TMEM163: variants seen among roughly 807,000 people sequenced by gnomAD.
TMEM163 encodes transmembrane protein 163.
In TMEM163, 17 loss-of-function variants were observed where a neutral mutation model predicts 29.3. The observed-to-expected ratio is 0.58, with a 90% CI of 0.40 to 0.87. TMEM163 has a LOEUF of 0.87. Among genes scored for constraint, TMEM163 ranks in the 40% least tolerant of loss-of-function variants. TMEM163 has a pLI of 0.00. For synonymous variants in TMEM163, 157 were observed against 160.6 expected, an observed-to-expected ratio of 0.98 and a Z score of 0.17; for missense variants, 303 against 381.5, an observed-to-expected ratio of 0.79 and a Z score of 1.71.
At chr2:134,499,498 C>T (rs1367970303) in intron 5 of TMEM163, among the ~76,000 whole-genome samples, 3 of 152,198 alleles carry the variant, frequency 2.0e-5, no homozygotes, top group African/African-American at 7.2e-5. Context: ...GGTCCTGTTC[C>T]AGTTCCCCAG....
intron 4 of TMEM163, among the ~76,000 whole-genome samples, chr2:134,546,974 G>T (rs1007472436): frequency 1.8e-4 from 28 of 152,108 alleles, no homozygotes; most frequent in Non-Finnish European, 4.0e-4. Flanking sequence ...TTTATATGAA[G>T]TATCTAAAGC....
chr2:134,688,119 G>C (rs749359350), intron 2 of TMEM163, among the ~76,000 whole-genome samples: 16 of 152,132 alleles, frequency 1.1e-4, no homozygotes, highest in Non-Finnish European at 2.2e-4. Context: ...CTGCGCACCA[G>C]ACACTGCTGT....
At chr2:134,603,017 C>T (rs1682270204) in intron 2 of TMEM163, among the ~76,000 whole-genome samples, 1 of 152,088 alleles carries the variant, frequency 6.6e-6, no homozygotes, top group African/African-American at 2.4e-5. Flanking sequence ...ACTGTATGTC[C>T]AACACAGGAC....
chr2:134,533,367 G>A (rs979638302), intron 4 of TMEM163, among the ~76,000 whole-genome samples: 9 of 152,288 alleles, frequency 5.9e-5, no homozygotes, highest in South Asian at 2.1e-4. Flanking sequence ...GTGTGTGCAC[G>A]TGCACACGTG....
At position 134,651,519 on chromosome 2, in the gene TMEM163, C is replaced by A. The variant is rs1277640592; in HGVS notation, c.322+61681G>T. 1.7e-5 allele frequency among the ~76,000 whole-genome samples: 2 copies of A among 118,668 alleles called. 1 individual carries two copies. The highest frequency in any genetic ancestry group is 3.3e-5 in the Non-Finnish European group (2 of 60,500). 77.9% of individuals were successfully genotyped at this position (118,668 alleles called of 152,430 possible). A position where few individuals can be genotyped will look rare whatever the true frequency, so the allele number is the denominator to read the frequency against. On this transcript the variant is annotated intron_variant, in intron 2 of 7. Transcript: ENST00000281924. Reference sequence around the variant, plus strand: ...TGCCTGTTCACTCTGATGGTAGTTTCTTTTGCTGTGCAGAAGCTCTTTAGT... The same window carrying A: ...TGCCTGTTCACTCTGATGGTAGTTTATTTTGCTGTGCAGAAGCTCTTTAGT...
At chr2:134,674,413 A>G (rs4954161) in intron 2 of TMEM163, among the ~76,000 whole-genome samples, 80,917 of 143,184 alleles carry the variant, frequency 0.57, 24,037 homozygotes, top group African/African-American at 0.7. Context: ...GCACAATCTC[A>G]GCTCACTGAA....
At position 134,699,999 on chromosome 2, in the gene TMEM163, G is replaced by A. The variant is rs115118538; in HGVS notation, c.322+13201C>T. Among the ~76,000 whole-genome samples the A allele has an allele frequency of 6.2e-3, 939 of 151,136 alleles. 15 individuals are homozygous for A. The highest frequency in any genetic ancestry group is 0.022 in the African/African-American group (894 of 41,172). On this transcript the variant is annotated intron_variant, in intron 2 of 7. Coordinates refer to ENST00000281924, the MANE Select transcript of TMEM163 (RefSeq NM_030923.5). ...CATTTAAGGAATTCTGTGGTCTTAC[G>A]TTTTAAATTTGTCTCCTATTAACAG...
intron 2 of TMEM163, among the ~76,000 whole-genome samples, chr2:134,697,972 T>G (rs1388024171): frequency 6.6e-6 from 1 of 152,124 alleles, no homozygotes; most frequent in Non-Finnish European, 1.5e-5. Context: ...TAGAATGGAG[T>G]GCATGAGATT....
At chr2:134,535,752 G>A (rs572626827) in intron 4 of TMEM163, among the ~76,000 whole-genome samples, 3 of 148,566 alleles carry the variant, frequency 2.0e-5, no homozygotes, top group East Asian at 3.9e-4. Flanking sequence ...TTTTGAGGCC[G>A]AGTCTCTGTT....
chr2:134,458,259 T>C (rs918280458), intron 6 of TMEM163, 86 bp from the exon 7 acceptor site: 1 of 1,524,392 alleles, frequency 6.6e-7, no homozygotes, highest in Non-Finnish European at 9.0e-7. Flanking sequence ...TCCACGTAAC[T>C]GGAGCATGTG....
chr2:134,650,849 C>T lies in TMEM163; in HGVS notation c.322+62351G>A, dbSNP rs1243622189. On this transcript the variant is annotated intron_variant, in intron 2 of 7. Transcript: ENST00000281924. ...GAGAATGATGATTTCCAATTTCATCCATGTCCCTACAAAGGACACGAACTC... is the reference window on the plus strand; with the variant it reads ...GAGAATGATGATTTCCAATTTCATCTATGTCCCTACAAAGGACACGAACTC... Among the ~76,000 whole-genome samples, 5 of 135,210 alleles carry T rather than the reference C, an allele frequency of 3.7e-5. 1 individual carries two copies. The highest frequency in any genetic ancestry group is 2.2e-4 in the Admixed American group (3 of 13,728). The allele number at this position is 135,210 out of a possible 152,430, so 88.7% of individuals were successfully genotyped here.
chr2:134,582,932 C>T (rs1054220010), intron 2 of TMEM163, among the ~76,000 whole-genome samples: 2 of 152,194 alleles, frequency 1.3e-5, no homozygotes, highest in African/African-American at 4.8e-5. Flanking sequence ...GGCTTGAACA[C>T]ACTCCACATA....
intron 6 of TMEM163, among the ~76,000 whole-genome samples, chr2:134,463,452 T>G (rs913843406): frequency 1.3e-5 from 2 of 152,180 alleles, no homozygotes; most frequent in African/African-American, 4.8e-5. Context: ...ATCCCAGGTC[T>G]GCCCCAGACA....
chr2:134,478,586 G>A (rs1403387776), intron 5 of TMEM163, among the ~76,000 whole-genome samples: 1 of 152,202 alleles, frequency 6.6e-6, no homozygotes, highest in Non-Finnish European at 1.5e-5. Flanking sequence ...GTAGGTTGAA[G>A]AAACTTCTAA....
intron 2 of TMEM163, among the ~76,000 whole-genome samples, chr2:134,572,546 C>T (rs757247753): frequency 9.9e-5 from 15 of 151,712 alleles, no homozygotes; most frequent in Non-Finnish European, 2.1e-4. Flanking sequence ...TAGAGATGGT[C>T]TATCTATTTC....
chr2:134,562,392 G>T (rs1350072257), intron 2 of TMEM163, among the ~76,000 whole-genome samples: 1 of 152,160 alleles, frequency 6.6e-6, no homozygotes, highest in Non-Finnish European at 1.5e-5. Flanking sequence ...ATAATTTCTG[G>T]CTTTTATTTA....
At chr2:134,464,638 C>A (rs953561842) in intron 6 of TMEM163, among the ~76,000 whole-genome samples, 1 of 152,080 alleles carries the variant, frequency 6.6e-6, no homozygotes, top group African/African-American at 2.4e-5. Context: ...CCCAAGAGAC[C>A]GTGTTGCAGA....
At chr2:134,648,036 C>A (rs908048829) in intron 2 of TMEM163, among the ~76,000 whole-genome samples, 4 of 152,168 alleles carry the variant, frequency 2.6e-5, no homozygotes, top group Non-Finnish European at 1.5e-5. Context: ...TTTGCACCTG[C>A]AACTGAATTC....
chr2:134,621,138 A>G lies in TMEM163; in HGVS notation c.323-69047T>C, dbSNP rs887508373. The stretch of plus-strand genomic sequence containing the variant: ...CTCGTATCATTCAATAAAAGGAGTA[A>G]AACAGCTCAATTTTAAAAACAGGCT... On this transcript the variant is annotated intron_variant, in intron 2 of 7. Coordinates refer to ENST00000281924, the MANE Select transcript of TMEM163 (RefSeq NM_030923.5). Among the ~76,000 whole-genome samples the G allele has an allele frequency of 2.0e-5, 3 of 152,344 alleles. No individual in the cohort carries two copies. In the South Asian group the frequency reaches 6.2e-4, roughly 32 times the overall value.
Sources: allele counts gnomAD v4.1 joint callset (sites outside exome capture counted in the v4.1 genomes callset), GRCh38; gene constraint gnomAD v4.1.1; transcripts MANE v1.5; gene names NCBI Gene and HGNC (gene_info 2026-07-23, HGNC 2026-07-21).